The following NELL2 variants were observed in gnomAD, a reference collection of about 807,000 sequenced individuals.
NELL2 encodes protein kinase C-binding protein NELL2.
Under a neutral mutation model 109.6 loss-of-function variants are expected in NELL2, and 41 were observed. That is an observed-to-expected ratio of 0.37 (90% confidence interval 0.29 to 0.49). The LOEUF (loss-of-function observed/expected upper bound fraction) is 0.49, where lower values mean the gene tolerates loss of function less well. Among genes scored for constraint, NELL2 ranks in the 20% least tolerant of loss-of-function variants. The pLI is 0.98. For missense variants in NELL2, 900 were observed against 1,008.3 expected (o/e 0.89, Z 1.45); for synonymous variants, 355 against 344.7 (o/e 1.03, Z -0.33).
intron 12 of NELL2, among the ~76,000 whole-genome samples, chr12:44,685,671 ATGAAGCTTAGTTT>A (rs1948690386): frequency 6.6e-6 from 1 of 152,044 alleles, no homozygotes; most frequent in Non-Finnish European, 1.5e-5. Flanking sequence ...TCCTTCACTT[ATGAAGCTTAGTTT>A]TGCTGGATAT....
intron 15 of NELL2, among the ~76,000 whole-genome samples, chr12:44,583,711 A>C (rs1944401188): frequency 6.6e-6 from 1 of 152,222 alleles, no homozygotes; most frequent in African/African-American, 2.4e-5. Flanking sequence ...AAAATGCTTA[A>C]AGTGTTTAAA....
intron 13 of NELL2, among the ~76,000 whole-genome samples, chr12:44,636,736 G>GA (rs1946648665): frequency 6.6e-6 from 1 of 152,088 alleles, no homozygotes; most frequent in African/African-American, 2.4e-5. Flanking sequence ...ATATTGGTCT[G>GA]AAATTTTCTT....
At chr12:44,889,071 A>G (rs1945506163) in intron 1 of NELL2, among the ~76,000 whole-genome samples, 2 of 151,990 alleles carry the variant, frequency 1.3e-5, no homozygotes, top group Non-Finnish European at 2.9e-5. Context: ...CATGCTGTAC[A>G]TGAATGCCAG....
chr12:44,717,139 A>C (rs1260880986), intron 9 of NELL2, among the ~76,000 whole-genome samples: 4 of 152,102 alleles, frequency 2.6e-5, no homozygotes, highest in African/African-American at 9.7e-5. Context: ...CCATAAGTCT[A>C]ATGTTGACAT....
Position 44,788,194 on chromosome 12 carries a change from C to T in NELL2, c.336-8172G>A, listed in dbSNP as rs559273513. ...GCAGCTCCAACTCGGATAGACAGAG[C>T]AGTGTGTGGAGGCTTGCATGATGAA... On this transcript the variant is annotated intron_variant, in intron 3 of 19. Transcript: ENST00000429094. Among the ~76,000 whole-genome samples the T allele has an allele frequency of 7.9e-5, 12 of 152,230 alleles. No homozygotes were observed. In the South Asian group the frequency reaches 2.5e-3, roughly 32 times the overall value.
At chr12:44,776,937 A>G in intron 7 of NELL2, 105 bp downstream of exon 7, 1 of 915,778 alleles carries the variant, frequency 1.1e-6, no homozygotes, top group Non-Finnish European at 1.8e-6. Flanking sequence ...CAAACAGTAT[A>G]GTATAAGAAG....
intron 13 of NELL2, among the ~76,000 whole-genome samples, chr12:44,618,489 T>C (rs992485370): frequency 2.6e-5 from 4 of 152,200 alleles, no homozygotes; most frequent in African/African-American, 9.7e-5. Context: ...AATCCAACTA[T>C]TGATTTTATT....
chr12:44,743,407 A>C (rs1391781574), intron 9 of NELL2, among the ~76,000 whole-genome samples: 8 of 152,304 alleles, frequency 5.3e-5, no homozygotes, highest in South Asian at 2.1e-4. Context: ...CGAGCAAAAT[A>C]ACCAGCTAAC....
chr12:44,774,267 C>CT (rs2136582827), intron 9 of NELL2, among the ~76,000 whole-genome samples: 1 of 152,244 alleles, frequency 6.6e-6, no homozygotes, highest in East Asian at 1.9e-4. Flanking sequence ...TGGTGTGAGC[C>CT]TTTTTTTCCC....
chr12:44,720,816 A>T (rs182396677), intron 9 of NELL2, among the ~76,000 whole-genome samples: 29 of 152,270 alleles, frequency 1.9e-4, no homozygotes, highest in Admixed American at 1.2e-3. Flanking sequence ...TGAGATCTTG[A>T]TAGTAGTTAT....
intron 3 of NELL2, among the ~76,000 whole-genome samples, chr12:44,804,025 C>T (rs2075510578): frequency 6.6e-6 from 1 of 151,866 alleles, no homozygotes; most frequent in Admixed American, 6.6e-5. Context: ...TCTTGTAATT[C>T]ACTCAAAACA....
At chr12:44,710,850 G>A (rs1938156843) in intron 11 of NELL2, among the ~76,000 whole-genome samples, 1 of 152,022 alleles carries the variant, frequency 6.6e-6, no homozygotes, top group African/African-American at 2.4e-5. Context: ...AAGAAGAAAG[G>A]GATTTGAAGT....
At chr12:44,778,799 T>C (rs567090009) in intron 5 of NELL2, among the ~76,000 whole-genome samples, 1 of 152,312 alleles carries the variant, frequency 6.6e-6, no homozygotes, top group South Asian at 2.1e-4. Flanking sequence ...AGGCTACTAT[T>C]AGATGGAATC....
At chr12:44,611,744 A>G (rs1945632958) in intron 13 of NELL2, among the ~76,000 whole-genome samples, 1 of 152,090 alleles carries the variant, frequency 6.6e-6, no homozygotes, top group Non-Finnish European at 1.5e-5. Context: ...AGAGTGTTTA[A>G]GTAGCCTGCC....
At chr12:44,575,349 T>C (rs182736137) in intron 15 of NELL2, among the ~76,000 whole-genome samples, 2 of 152,394 alleles carry the variant, frequency 1.3e-5, no homozygotes, top group East Asian at 3.9e-4. Flanking sequence ...CAATCAGGTA[T>C]GTGCAGGCAG....
intron 13 of NELL2, among the ~76,000 whole-genome samples, chr12:44,622,892 C>A (rs1946110004): frequency 6.6e-6 from 1 of 152,086 alleles, no homozygotes; most frequent in Admixed American, 6.6e-5. Context: ...AAGATAATTT[C>A]CTATTCCAAA....
chr12:44,727,424 T>G (rs559684425), intron 9 of NELL2, among the ~76,000 whole-genome samples: 1 of 152,106 alleles, frequency 6.6e-6, no homozygotes, highest in African/African-American at 2.4e-5. Flanking sequence ...CAGACCAAAA[T>G]TATTCCAGAT....
At chr12:44,620,537 C>T (rs982660524) in intron 13 of NELL2, among the ~76,000 whole-genome samples, 4 of 152,114 alleles carry the variant, frequency 2.6e-5, no homozygotes, top group Non-Finnish European at 5.9e-5. Flanking sequence ...ACTTCACCAG[C>T]AACCTCACAG....
intron 12 of NELL2, among the ~76,000 whole-genome samples, chr12:44,699,946 AT>A (rs1263622264): frequency 6.6e-6 from 1 of 152,142 alleles, no homozygotes; most frequent in Non-Finnish European, 1.5e-5. Flanking sequence ...CTCAACTAAC[AT>A]TTAGATGCCA....
Sources: allele counts gnomAD v4.1 joint callset (sites outside exome capture counted in the v4.1 genomes callset), GRCh38; gene constraint gnomAD v4.1.1; transcripts MANE v1.5; gene names NCBI Gene and HGNC (gene_info 2026-07-23, HGNC 2026-07-21).